Variants in ASTN2 observed in about 807,000 individuals in gnomAD.
The protein encoded by ASTN2 is astrotactin-2.
In ASTN2, 54 loss-of-function variants were observed where a neutral mutation model predicts 139.8. The ratio of observed to expected loss-of-function variants is 0.39; its 90% confidence interval spans 0.31 to 0.48. ASTN2 has a LOEUF of 0.48. Ranked by LOEUF, ASTN2 falls within the 20% of genes least tolerant of loss-of-function variation. The pLI is 0.95. For missense variants in ASTN2, 1,565 were observed against 1,725.1 expected (o/e 0.91, Z 1.64); for synonymous variants, 756 against 719.5 (o/e 1.05, Z -0.81).
At chr9:117,294,119 A>G (rs1367432567) in intron 1 of ASTN2, among the ~76,000 whole-genome samples, 1 of 152,262 alleles carries the variant, frequency 6.6e-6, no homozygotes, top group Non-Finnish European at 1.5e-5. Context: ...AGAAGGTCTC[A>G]GAAGGTTAGT....
intron 19 of ASTN2, among the ~76,000 whole-genome samples, chr9:116,569,110 C>T (rs981891978): frequency 2.0e-5 from 3 of 152,098 alleles, no homozygotes; most frequent in African/African-American, 4.8e-5. Context: ...TAAATCAGGG[C>T]GAAATGTCCC....
At chr9:117,070,820 C>A (rs1349920661) in intron 5 of ASTN2, among the ~76,000 whole-genome samples, 2 of 151,776 alleles carry the variant, frequency 1.3e-5, no homozygotes, top group African/African-American at 2.4e-5. Flanking sequence ...GAGGCTTCTG[C>A]ATTCTTCACG....
At chr9:116,437,594 G>C (rs1022459286) in intron 22 of ASTN2, 3 of 470,736 alleles carry the variant, frequency 6.4e-6, no homozygotes, top group African/African-American at 4.0e-5. Context: ...CCAGGAGGCT[G>C]TAAAGACAAA....
intron 2 of ASTN2, among the ~76,000 whole-genome samples, chr9:117,239,303 G>T (rs551726830): frequency 2.6e-5 from 4 of 152,244 alleles, no homozygotes; most frequent in African/African-American, 9.6e-5. Context: ...AATAAGAAGT[G>T]GCCCCCTCCT....
At chr9:116,971,339 C>A (rs1836192392) in intron 10 of ASTN2, among the ~76,000 whole-genome samples, 1 of 152,172 alleles carries the variant, frequency 6.6e-6, no homozygotes, top group Non-Finnish European at 1.5e-5. Flanking sequence ...AGCCTTACCC[C>A]TCACCTTAGA....
At chr9:116,667,123 T>C (rs1220730510) in intron 16 of ASTN2, among the ~76,000 whole-genome samples, 1 of 151,614 alleles carries the variant, frequency 6.6e-6, no homozygotes, top group African/African-American at 2.4e-5. Flanking sequence ...CCCTGGCTAA[T>C]TTTTGTATTT....
intron 10 of ASTN2, among the ~76,000 whole-genome samples, chr9:116,902,177 C>T (rs946908622): frequency 5.9e-5 from 9 of 152,286 alleles, no homozygotes; most frequent in Admixed American, 2.0e-4. Flanking sequence ...ATATGTGTTA[C>T]TGCCCCAGAA....
At chr9:116,527,854 C>T (rs1373810496) in intron 19 of ASTN2, among the ~76,000 whole-genome samples, 1 of 152,122 alleles carries the variant, frequency 6.6e-6, no homozygotes, top group African/African-American at 2.4e-5. Context: ...TTCCTACCAC[C>T]ATGTAAGATG....
chr9:117,106,640 A>T (rs1829111307), intron 4 of ASTN2, among the ~76,000 whole-genome samples: 3 of 152,084 alleles, frequency 2.0e-5, no homozygotes, highest in South Asian at 2.1e-4. Flanking sequence ...ATAATAATCA[A>T]GTCAAATTTT....
At position 117,356,793 on chromosome 9, in the gene ASTN2, G is replaced by C. The variant is rs1180872353; in HGVS notation, c.442+57704C>G. On this transcript the variant is annotated intron_variant, in intron 1 of 22. Coordinates refer to ENST00000313400, the MANE Select transcript of ASTN2 (RefSeq NM_001365068.1). ...AAGAATTGAGTATGGGCCAAGTGCAGTGGCTCACGCCTGTAATCTCAGCAT... is the reference window on the plus strand; with the variant it reads ...AAGAATTGAGTATGGGCCAAGTGCACTGGCTCACGCCTGTAATCTCAGCAT... 3.3e-5 allele frequency among the ~76,000 whole-genome samples: 5 copies of C among 152,222 alleles called. No homozygotes were observed. The South Asian group carries it at 6.2e-4, about 19-fold the overall frequency.
intron 10 of ASTN2, among the ~76,000 whole-genome samples, chr9:116,948,730 TAAGAGACA>T (rs1393387209): frequency 1.5e-5 from 2 of 134,972 alleles, no homozygotes; most frequent in South Asian, 2.3e-4. Context: ...TGTGTGTGTG[TAAGAGACA>T]GAAAAACAGA....
intron 3 of ASTN2, among the ~76,000 whole-genome samples, chr9:117,164,938 CT>C (rs1588033241): frequency 6.6e-6 from 1 of 152,026 alleles, no homozygotes; most frequent in Non-Finnish European, 1.5e-5. Context: ...AGATAAATAA[CT>C]TCTTATTATG....
At chr9:116,493,314 A>C (rs1476555422) in intron 19 of ASTN2, among the ~76,000 whole-genome samples, 2 of 152,138 alleles carry the variant, frequency 1.3e-5, no homozygotes, top group African/African-American at 4.8e-5. Context: ...GCCTCGCCCA[A>C]GTTCGTCCAA....
chr9:116,754,493 G>A (rs1829486334), intron 13 of ASTN2, among the ~76,000 whole-genome samples: 1 of 152,134 alleles, frequency 6.6e-6, no homozygotes, highest in Admixed American at 6.5e-5. Flanking sequence ...TCTTTTTAAT[G>A]ATTGCCATTC....
At chr9:116,559,184 T>A (rs1165705640) in intron 19 of ASTN2, among the ~76,000 whole-genome samples, 1 of 152,136 alleles carries the variant, frequency 6.6e-6, no homozygotes, top group Non-Finnish European at 1.5e-5. Context: ...AATGTTGCAA[T>A]CAGAAAGACC....
chr9:116,634,569 G>A (rs1417116254), intron 17 of ASTN2, among the ~76,000 whole-genome samples: 3 of 127,994 alleles, frequency 2.3e-5, no homozygotes, highest in South Asian at 2.4e-4. Context: ...CAGCCTGGGC[G>A]ACAGAGCGAG....
At chr9:116,516,908 A>G (rs1850675316) in intron 19 of ASTN2, among the ~76,000 whole-genome samples, 1 of 152,148 alleles carries the variant, frequency 6.6e-6, no homozygotes. Context: ...CCTTCTGGGA[A>G]CATAACTCCA....
chr9:117,083,331 C>T (rs952049792), intron 5 of ASTN2, among the ~76,000 whole-genome samples: 5 of 152,206 alleles, frequency 3.3e-5, no homozygotes, highest in African/African-American at 9.7e-5. Flanking sequence ...TTTAATAACG[C>T]ATGACACTAT....
chr9:117,029,526 C>T (rs1838187819), intron 6 of ASTN2, among the ~76,000 whole-genome samples: 1 of 152,074 alleles, frequency 6.6e-6, no homozygotes, highest in Non-Finnish European at 1.5e-5. Flanking sequence ...CATTATGAAT[C>T]ATTCACACTG....
Sources: gnomAD v4.1 joint callset for allele counts (sites outside exome capture counted in the v4.1 genomes callset) on GRCh38, gnomAD v4.1.1 for gene constraint, MANE v1.5 for transcripts, NCBI Gene and HGNC (gene_info 2026-07-23, HGNC 2026-07-21) for gene names.